The following PHF3 variants were observed in gnomAD, a reference collection of about 807,000 sequenced individuals.
PHF3 encodes PHD finger protein 3.
A neutral mutation model predicts 178.4 loss-of-function variants in PHF3; 41 were observed. That is an observed-to-expected ratio of 0.23 (90% CI 0.18 to 0.30). PHF3 has a LOEUF of 0.30. Ranked by LOEUF, PHF3 falls within the 10% of genes least tolerant of loss-of-function variation. The probability of loss-of-function intolerance (pLI) is 1.00; values close to 1 mark genes in which losing one functional copy is unlikely to be tolerated. For synonymous variants in PHF3, 842 were observed against 800.5 expected (o/e 1.05, Z -0.88); for missense variants, 2,346 against 2,398.1 (o/e 0.98, Z 0.45).
Position 63,720,350 on chromosome 6 carries a change from T to C in PHF3, c.*6642T>C, listed in dbSNP as rs188068011. ...ATAAGCAAAGTGAATAAGCACATTC[T>C]GTGAATAAGCACTGAACTAATGGAG... is the stretch of plus-strand genomic sequence containing the variant. On this transcript the variant is annotated 3_prime_UTR_variant, in exon 16 of 16. Transcript: ENST00000262043. The C allele has an allele frequency of 1.7e-5, 7 of 420,428 alleles. No individual in the cohort carries two copies. In the Admixed American group the frequency reaches 2.8e-4, roughly 17 times the overall value. 26.0% of individuals were successfully genotyped at this position (420,428 alleles called of 1,614,324 possible). A position where few individuals can be genotyped will look rare whatever the true frequency, so the allele number is the denominator to read the frequency against.
At chr6:63,709,863 C>T (rs67169857) in intron 14 of PHF3, among the ~76,000 whole-genome samples, 22,893 of 152,036 alleles carry the variant, frequency 0.15, 2,023 homozygotes, top group African/African-American at 0.25. Flanking sequence ...AAAGATACTG[C>T]GAAATGGCTC....
chr6:63,693,472 G>A (rs1416587316), intron 5 of PHF3, among the ~76,000 whole-genome samples: 2 of 152,096 alleles, frequency 1.3e-5, no homozygotes, highest in South Asian at 2.1e-4. Flanking sequence ...AAAATTAGCC[G>A]AGCATGGTGG....
chr6:63,673,404 T>C (rs370623887), intron 2 of PHF3, among the ~76,000 whole-genome samples: 10 of 152,160 alleles, frequency 6.6e-5, no homozygotes, highest in Admixed American at 3.3e-4. Flanking sequence ...CAACTCAGGA[T>C]AACCATAGGA....
chr6:63,699,520 C>G (rs909785052), intron 8 of PHF3, among the ~76,000 whole-genome samples: 7 of 152,198 alleles, frequency 4.6e-5, no homozygotes, highest in Non-Finnish European at 7.3e-5. Context: ...TCCCGAGGAT[C>G]AGATGCTTCT....
chr6:63,680,581 A>G (rs1766392453), intron 3 of PHF3, among the ~76,000 whole-genome samples: 1 of 149,502 alleles, frequency 6.7e-6, no homozygotes, highest in Non-Finnish European at 1.5e-5. Flanking sequence ...TAATTATGTT[A>G]GTATGAGTAA....
chr6:63,685,347 A>G lies in PHF3; in HGVS notation c.1625A>G (p.His542Arg), dbSNP rs771431577. 6.8e-6 allele frequency: 11 copies of G among 1,614,142 alleles called. No individual in the cohort carries two copies. The Admixed American group carries it at 1.3e-4, about 20-fold the overall frequency. The change falls in exon 4 of 16, where the codon CAT becomes CGT. Residue 542 changes from histidine to arginine, a missense_variant. Physicochemically the swap from His to Arg is conservative, Grantham distance 29. Transcript: ENST00000262043. ...GTACCAGAATCTCAGCAAAATTTTCATAGGCCAGTCAAAGTCAGAAAAAAA... is the reference window on the plus strand; with the variant it reads ...GTACCAGAATCTCAGCAAAATTTTCGTAGGCCAGTCAAAGTCAGAAAAAAA... Reference protein sequence around the residue: ...TDVPESQQNFHRPVKVRKKQI... With the variant: ...TDVPESQQNFRRPVKVRKKQI...
chr6:63,713,040 C>G lies in PHF3; in HGVS notation c.5452C>G (p.Pro1818Ala). 1 of 1,613,988 alleles carries G rather than the reference C, an allele frequency of 6.2e-7. No homozygotes were observed. Among genetic ancestry groups the G allele is most frequent in the South Asian group, 1.1e-5 (1 of 91,076 alleles). ...LKSSPPGFPF[P>A]GPPNFPPQSM... ...GTCTAGCCCACCTGGATTTCCATTT[C>G]CAGGGCCTCCTAATTTTCCCCCACA... Residue 1818 changes from proline to alanine, a missense_variant, in exon 16 of 16, where the codon CCA (proline) becomes GCA (alanine). Pro to Ala is a conservative substitution (Grantham distance 27). Around this residue, in one of 8 missense-constraint regions of PHF3, gnomAD observed 839 missense variants for 806.9 expected, o/e 1.04. Coordinates refer to ENST00000262043, the MANE Select transcript of PHF3 (RefSeq NM_001370348.2).
At chr6:63,693,380 C>T (rs983653149) in intron 5 of PHF3, among the ~76,000 whole-genome samples, 7 of 152,144 alleles carry the variant, frequency 4.6e-5, no homozygotes, top group Non-Finnish European at 8.8e-5. Flanking sequence ...CTTTGGGAGG[C>T]TGAGGTGGGC....
chr6:63,671,467 G>GT (rs200383441), intron 2 of PHF3, among the ~76,000 whole-genome samples: 1,819 of 152,278 alleles, frequency 0.012, 29 homozygotes, highest in African/African-American at 0.042. Flanking sequence ...ATGTCTAATT[G>GT]CTTTTTGGTG....
chr6:63,699,310 AT>A (rs1767372303), intron 8 of PHF3, among the ~76,000 whole-genome samples: 1 of 152,210 alleles, frequency 6.6e-6, no homozygotes, highest in African/African-American at 2.4e-5. Flanking sequence ...TGTGTGTGAC[AT>A]TTACCTAGGT....
chr6:63,660,082 AAAG>A (rs1765402093), intron 2 of PHF3, among the ~76,000 whole-genome samples: 1 of 152,128 alleles, frequency 6.6e-6, no homozygotes, highest in South Asian at 2.1e-4. Context: ...TTGAAAGAAC[AAAG>A]AAGATAGTTC....
Position 63,684,366 on chromosome 6 carries a change from T to C in PHF3, c.644T>C (p.Val215Ala), listed in dbSNP as rs761168228. 8 of 1,613,758 alleles carry C rather than the reference T, an allele frequency of 5.0e-6. No individual in the cohort carries two copies. The highest frequency in any genetic ancestry group is 6.8e-6 in the Non-Finnish European group (8 of 1,179,684). Residue 215 changes from valine (V) to alanine (A), a missense_variant, in exon 4 of 16, where the codon GTG becomes GCG. By Grantham distance (64) the Val-to-Ala change is moderately conservative. This residue lies in a region of PHF3 where 843 missense variants were observed against 795.2 expected (regional missense o/e 1.06). Coordinates refer to ENST00000262043, the MANE Select transcript of PHF3 (RefSeq NM_001370348.2). ...ATTGAAGTGGTACCTGAAGTATCAG[T>C]GTCTTCAAGTCATTCTTCAGTGTCA... ...GQIEVVPEVS[V>A]SSSHSSVSSC...
chr6:63,659,250 T>C (rs544955759), intron 2 of PHF3, among the ~76,000 whole-genome samples: 42 of 152,308 alleles, frequency 2.8e-4, no homozygotes, highest in African/African-American at 9.1e-4. Flanking sequence ...CATAAACATA[T>C]ATTATTGTCA....
At chr6:63,673,870 A>G (rs1483591425) in intron 2 of PHF3, among the ~76,000 whole-genome samples, 2 of 152,206 alleles carry the variant, frequency 1.3e-5, no homozygotes, top group Non-Finnish European at 2.9e-5. Context: ...GACAGGAGCC[A>G]AGTATTTCAC....
intron 6 of PHF3, among the ~76,000 whole-genome samples, chr6:63,697,218 T>C (rs1217280291): frequency 6.6e-6 from 1 of 152,092 alleles, no homozygotes; most frequent in East Asian, 1.9e-4. Flanking sequence ...GAAGGTTGTA[T>C]GTGGTAGGGG....
At chr6:63,709,126 CTCT>C (rs765412129) in intron 13 of PHF3, 22 bp from the exon 14 acceptor site, 7 of 1,137,282 alleles carry the variant, frequency 6.2e-6, no homozygotes, top group Admixed American at 4.4e-5. Context: ...ATATATTGAT[CTCT>C]TTTTTTTTTT....
intron 6 of PHF3, among the ~76,000 whole-genome samples, chr6:63,697,536 G>A (rs867477459): frequency 2.6e-5 from 4 of 152,246 alleles, no homozygotes; most frequent in South Asian, 2.1e-4. Context: ...GTCTTCAGCC[G>A]TTTGTTGCCT....
chr6:63,652,667 T>C (rs1765066758), intron 2 of PHF3, among the ~76,000 whole-genome samples: 1 of 152,332 alleles, frequency 6.6e-6, no homozygotes, highest in Admixed American at 6.5e-5. Context: ...TAGTTTTGGA[T>C]CTTACATTTA....
chr6:63,644,767 C>G (rs193067736), intron 1 of PHF3, among the ~76,000 whole-genome samples: 2 of 151,920 alleles, frequency 1.3e-5, no homozygotes, highest in Admixed American at 1.3e-4. Context: ...TGAACAGATT[C>G]GTGAAACCAT....
Sources: gnomAD v4.1 joint callset for allele counts (sites outside exome capture counted in the v4.1 genomes callset) on GRCh38, gnomAD v4.1.1 for gene constraint, gnomAD v4.1.1 regional missense constraint, MANE v1.5 for transcripts, NCBI Gene and HGNC (gene_info 2026-07-23, HGNC 2026-07-21) for gene names.